The following ABTB2 variants were observed in gnomAD, a reference collection of about 807,000 sequenced individuals.
ABTB2 encodes ankyrin repeat and BTB domain containing 2.
In ABTB2, 56 loss-of-function variants were observed where a neutral mutation model predicts 104.1. The ratio of observed to expected loss-of-function variants is 0.54; its 90% CI spans 0.43 to 0.67. The LOEUF (loss-of-function observed/expected upper bound fraction) is 0.67, where lower values mean the gene tolerates loss of function less well. Among genes scored for constraint, ABTB2 ranks in the 30% least tolerant of loss-of-function variants. ABTB2 has a pLI of 0.00. For synonymous variants in ABTB2, 606 were observed against 608.2 expected (o/e 1.00, Z 0.05); for missense variants, 1,279 against 1,407.7 (o/e 0.91, Z 1.46).
chr11:34,161,529 C>G (rs1011862719), intron 10 of ABTB2, among the ~76,000 whole-genome samples: 1 of 152,236 alleles, frequency 6.6e-6, no homozygotes, highest in East Asian at 1.9e-4. Context: ...AGAGAATATG[C>G]CAGGCACTCA....
intron 1 of ABTB2, among the ~76,000 whole-genome samples, chr11:34,351,552 C>T (rs564093573): frequency 6.6e-6 from 1 of 152,284 alleles, no homozygotes; most frequent in South Asian, 2.1e-4. Context: ...AATGCTGACT[C>T]TATTCATTGA....
chr11:34,339,182 C>T (rs766752567), intron 1 of ABTB2, among the ~76,000 whole-genome samples: 7 of 152,198 alleles, frequency 4.6e-5, no homozygotes, highest in Non-Finnish European at 8.8e-5. Flanking sequence ...AAGTGATCCT[C>T]CCACCTAGGC....
chr11:34,188,887 A>C (rs1193368874), intron 3 of ABTB2, among the ~76,000 whole-genome samples: 1 of 152,234 alleles, frequency 6.6e-6, no homozygotes, highest in Non-Finnish European at 1.5e-5. Context: ...GGAATGGAAC[A>C]AAGAGGTGCC....
intron 1 of ABTB2, among the ~76,000 whole-genome samples, chr11:34,288,196 C>A (rs1010130821): frequency 6.6e-6 from 1 of 152,116 alleles, no homozygotes; most frequent in African/African-American, 2.4e-5. Context: ...CAGAAAAAAG[C>A]CAGTAAGTTG....
chr11:34,152,691 A>G (rs1176832884), intron 16 of ABTB2, 107 bp from the exon 17 acceptor site: 1 of 1,146,436 alleles, frequency 8.7e-7, no homozygotes, highest in African/African-American at 1.5e-5. Flanking sequence ...ATTAAGCCCC[A>G]CTCTGGCCAG....
At chr11:34,200,454 C>T (rs2133038352) in intron 2 of ABTB2, among the ~76,000 whole-genome samples, 1 of 152,242 alleles carries the variant, frequency 6.6e-6, no homozygotes, top group African/African-American at 2.4e-5. Context: ...CCGGCTTCTT[C>T]GATCCAAGCC....
chr11:34,341,754 A>C (rs557554425), intron 1 of ABTB2, among the ~76,000 whole-genome samples: 1 of 152,184 alleles, frequency 6.6e-6, no homozygotes, highest in Non-Finnish European at 1.5e-5. Flanking sequence ...ACAAAAACTC[A>C]TGAGTTCCCA....
chr11:34,330,633 A>T (rs537326721), intron 1 of ABTB2, among the ~76,000 whole-genome samples: 1 of 152,372 alleles, frequency 6.6e-6, no homozygotes, highest in Admixed American at 6.5e-5. Context: ...AAGGCAATAA[A>T]CTTATGAAAT....
At chr11:34,283,002 G>A (rs1476754825) in intron 1 of ABTB2, among the ~76,000 whole-genome samples, 3 of 151,292 alleles carry the variant, frequency 2.0e-5, no homozygotes, top group East Asian at 1.9e-4. Context: ...TCCGCATCCC[G>A]GGTTCACGCC....
chr11:34,197,404 A>G lies in ABTB2; in HGVS notation c.1165T>C (p.Tyr389His). Residue 389 changes from tyrosine to histidine, a missense_variant, in exon 3 of 17, where the codon TAC (tyrosine) becomes CAC (histidine). Coordinates refer to ENST00000435224, the MANE Select transcript of ABTB2 (RefSeq NM_145804.3). The part of the protein sequence containing the change: ...WSPDALHTLY[Y>H]FLRCPQMESM... ...TCCATCTGTGGACACCGCAGAAAGT[A>G]GTAGAGCGTGTGGAGGGCGTCGGGG... The G allele has an allele frequency of 1.2e-6, 2 of 1,612,602 alleles. No homozygotes were observed. Among genetic ancestry groups the G allele is most frequent in the South Asian group, 2.2e-5 (2 of 91,052 alleles).
intron 3 of ABTB2, among the ~76,000 whole-genome samples, chr11:34,195,127 CT>C (rs1853239819): frequency 7.3e-6 from 1 of 136,164 alleles, no homozygotes; most frequent in Middle Eastern, 4.4e-3. Flanking sequence ...ATGACTGCCC[CT>C]GGGCCTATAG....
intron 1 of ABTB2, among the ~76,000 whole-genome samples, chr11:34,285,633 C>T (rs1181425440): frequency 1.3e-5 from 2 of 152,160 alleles, no homozygotes; most frequent in Non-Finnish European, 2.9e-5. Context: ...CTGCTCTACC[C>T]TGGAGCCGTC....
At chr11:34,314,138 T>C (rs1342213049) in intron 1 of ABTB2, among the ~76,000 whole-genome samples, 2 of 152,320 alleles carry the variant, frequency 1.3e-5, no homozygotes, top group African/African-American at 4.8e-5. Context: ...GATACTCCCA[T>C]GCAGGTGGCT....
chr11:34,297,242 T>G (rs1258593092), intron 1 of ABTB2, among the ~76,000 whole-genome samples: 2 of 152,202 alleles, frequency 1.3e-5, no homozygotes, highest in Admixed American at 6.5e-5. Context: ...GGTCCCCTGC[T>G]TCTCTTTAGT....
At chr11:34,266,622 C>A (rs1398654580) in intron 1 of ABTB2, among the ~76,000 whole-genome samples, 1 of 150,652 alleles carries the variant, frequency 6.6e-6, no homozygotes, top group East Asian at 1.9e-4. Flanking sequence ...CCTCCCCTGC[C>A]ACCCCCTTCC....
intron 3 of ABTB2, among the ~76,000 whole-genome samples, chr11:34,178,394 T>C (rs1247530950): frequency 6.6e-6 from 1 of 152,222 alleles, no homozygotes; most frequent in Non-Finnish European, 1.5e-5. Flanking sequence ...CCATGGAGTC[T>C]GCTGGGCAGG....
chr11:34,312,538 A>G (rs544097451), intron 1 of ABTB2, among the ~76,000 whole-genome samples: 2 of 152,196 alleles, frequency 1.3e-5, no homozygotes, highest in African/African-American at 2.4e-5. Context: ...TGCCCAGGAG[A>G]GCATTCAGCG....
rs560427012 is a variant in ABTB2 at position 34,206,445 on chromosome 11, C to T, written c.884-1755G>A. 9.2e-5 allele frequency among the ~76,000 whole-genome samples: 14 copies of T among 152,262 alleles called. No homozygotes were observed. The South Asian group carries it at 2.9e-3, about 32-fold the overall frequency. ...GTACTACTGACTTCCATTTGAGATA[C>T]TGGGCTACTGCCATTCAGAGACTTT... On this transcript the variant is annotated intron_variant, in intron 1 of 16. Coordinates refer to ENST00000435224, the MANE Select transcript of ABTB2 (RefSeq NM_145804.3).
chr11:34,161,256 C>G (rs1852717736), intron 10 of ABTB2, among the ~76,000 whole-genome samples, 175 bp from the exon 11 acceptor site: 1 of 147,856 alleles, frequency 6.8e-6, no homozygotes, highest in African/African-American at 2.5e-5. Flanking sequence ...CTCAGGATGG[C>G]CATAGAATGA....
Sources: gnomAD v4.1 joint callset for allele counts (sites outside exome capture counted in the v4.1 genomes callset) on GRCh38, gnomAD v4.1.1 for gene constraint, MANE v1.5 for transcripts, NCBI Gene and HGNC (gene_info 2026-07-23, HGNC 2026-07-21) for gene names.